TMEM117: variants seen among roughly 807,000 people sequenced by gnomAD.
TMEM117 encodes the protein transmembrane protein 117.
TMEM117 carries 27 observed loss-of-function variants against 52.4 expected under a neutral mutation model. The ratio of observed to expected loss-of-function variants is 0.51; its 90% confidence interval spans 0.38 to 0.71. TMEM117 has a LOEUF of 0.71. Among genes scored for constraint, TMEM117 ranks in the 30% least tolerant of loss-of-function variants. The probability of loss-of-function intolerance (pLI) is 0.00; values close to 1 mark genes in which losing one functional copy is unlikely to be tolerated. For missense variants in TMEM117, 556 were observed against 630.5 expected (o/e 0.88, Z 1.26); for synonymous variants, 215 against 206.3 (o/e 1.04, Z -0.36).
intron 5 of TMEM117, among the ~76,000 whole-genome samples, chr12:44,257,467 T>G (rs1178721742): frequency 6.6e-6 from 1 of 152,178 alleles, no homozygotes; most frequent in African/African-American, 2.4e-5. Flanking sequence ...GGACCTTGCC[T>G]GTCATATCCT....
At chr12:44,044,433 G>A (rs1946849339) in intron 3 of TMEM117, among the ~76,000 whole-genome samples, 1 of 152,192 alleles carries the variant, frequency 6.6e-6, no homozygotes, top group African/African-American at 2.4e-5. Context: ...AATGAACTGG[G>A]TGCTTTCTGA....
Position 44,293,093 on chromosome 12 carries a change from T to C in TMEM117, c.609-6487T>C, listed in dbSNP as rs574577315. Among the ~76,000 whole-genome samples the C allele has an allele frequency of 6.6e-5, 10 of 152,062 alleles. No homozygotes were observed. The South Asian group carries it at 1.2e-3, about 19-fold the overall frequency. The stretch of plus-strand genomic sequence containing the variant: ...TCTGTTAGTAGTTGCCTTGTATGTT[T>C]AGATGCTCTGGTACTGGATATATAT... On this transcript the variant is annotated intron_variant, in intron 5 of 7. Transcript: ENST00000266534.
At chr12:43,839,066 A>G (rs1186949244) in intron 1 of TMEM117, among the ~76,000 whole-genome samples, 1 of 152,172 alleles carries the variant, frequency 6.6e-6, no homozygotes, top group Non-Finnish European at 1.5e-5. Context: ...TCACATCTAC[A>G]TCCAATGTAT....
At chr12:43,824,650 G>A in the TMEM117 span, among the ~76,000 whole-genome samples, 1 of 152,168 alleles carries the variant, frequency 6.6e-6, no homozygotes, top group African/African-American at 2.4e-5. Context: ...AGAAAGCCCT[G>A]TAGGGCCGGG....
chr12:43,927,823 A>G (rs1378168353), intron 2 of TMEM117, among the ~76,000 whole-genome samples: 1 of 151,986 alleles, frequency 6.6e-6, no homozygotes, highest in Non-Finnish European at 1.5e-5. Flanking sequence ...GCAAACACAC[A>G]TCTTTGGATT....
chr12:44,164,238 G>A (rs1948934974), intron 4 of TMEM117, among the ~76,000 whole-genome samples: 1 of 151,804 alleles, frequency 6.6e-6, no homozygotes, highest in Admixed American at 6.6e-5. Flanking sequence ...ATAGTTTTTG[G>A]GGTAAAGTGG....
chr12:44,271,832 T>A (rs750795484), intron 5 of TMEM117, among the ~76,000 whole-genome samples: 2 of 151,950 alleles, frequency 1.3e-5, no homozygotes, highest in Non-Finnish European at 2.9e-5. Context: ...TTCCAAACGG[T>A]ATATATGATA....
intron 3 of TMEM117, among the ~76,000 whole-genome samples, chr12:44,067,330 T>C (rs538640552): frequency 6.6e-6 from 1 of 152,302 alleles, no homozygotes; most frequent in South Asian, 2.1e-4. Context: ...TCTAGAATGG[T>C]GAATCCTTTC....
At chr12:44,182,421 C>T (rs1166680541) in intron 4 of TMEM117, among the ~76,000 whole-genome samples, 2 of 152,174 alleles carry the variant, frequency 1.3e-5, no homozygotes, top group African/African-American at 4.8e-5. Flanking sequence ...GAGGGCATCC[C>T]TGTCTTGTGC....
At chr12:44,237,103 G>T (rs940803422) in intron 5 of TMEM117, among the ~76,000 whole-genome samples, 2 of 152,034 alleles carry the variant, frequency 1.3e-5, no homozygotes, top group African/African-American at 4.8e-5. Context: ...TGCTTTTAAA[G>T]AATATTCTTT....
At chr12:43,957,498 A>G (rs1202971604) in intron 3 of TMEM117, among the ~76,000 whole-genome samples, 2 of 152,228 alleles carry the variant, frequency 1.3e-5, no homozygotes, top group Non-Finnish European at 2.9e-5. Flanking sequence ...ATTTTCTTCC[A>G]TAGTAATGGG....
At chr12:44,019,283 G>A (rs1246261112) in intron 3 of TMEM117, among the ~76,000 whole-genome samples, 1 of 151,908 alleles carries the variant, frequency 6.6e-6, no homozygotes, top group Admixed American at 6.6e-5. Context: ...GTCCTGTAGA[G>A]CAGGTTGCGC....
intron 3 of TMEM117, among the ~76,000 whole-genome samples, chr12:43,998,474 T>C (rs548936303): frequency 2.9e-4 from 44 of 152,344 alleles, no homozygotes; most frequent in African/African-American, 1.0e-3. Context: ...ACCATTGATA[T>C]TAAAGTGACT....
chr12:43,876,872 C>G (rs1052243829), intron 2 of TMEM117, among the ~76,000 whole-genome samples: 22 of 152,124 alleles, frequency 1.4e-4, no homozygotes, highest in Non-Finnish European at 2.6e-4. Context: ...CATATCCTTT[C>G]CCTCAATACC....
the TMEM117 span, among the ~76,000 whole-genome samples, chr12:43,803,076 G>C: frequency 6.6e-6 from 1 of 152,138 alleles, no homozygotes; most frequent in Admixed American, 6.5e-5. Flanking sequence ...TACAGTAACA[G>C]TGAAGTTATA....
intron 4 of TMEM117, among the ~76,000 whole-genome samples, chr12:44,183,713 G>A (rs974216612): frequency 2.0e-5 from 3 of 152,172 alleles, no homozygotes; most frequent in Non-Finnish European, 4.4e-5. Flanking sequence ...ATGCAACTGA[G>A]TAGCCTAGTG....
chr12:43,981,289 A>G (rs1358378682), intron 3 of TMEM117, among the ~76,000 whole-genome samples: 1 of 152,144 alleles, frequency 6.6e-6, no homozygotes, highest in South Asian at 2.1e-4. Context: ...TTATTTCAGG[A>G]ATTGTTCAAT....
intron 5 of TMEM117, among the ~76,000 whole-genome samples, chr12:44,225,272 G>C (rs1381516791): frequency 2.0e-5 from 3 of 152,114 alleles, no homozygotes; most frequent in South Asian, 4.1e-4. Flanking sequence ...AAGTAACATA[G>C]TGCTTAATGA....
intron 5 of TMEM117, among the ~76,000 whole-genome samples, chr12:44,255,029 A>G (rs1006777330): frequency 3.3e-5 from 5 of 152,096 alleles, no homozygotes; most frequent in East Asian, 1.9e-4. Context: ...TGGTGTATAT[A>G]TGCCACATTT....
Sources: allele counts gnomAD v4.1 joint callset (sites outside exome capture counted in the v4.1 genomes callset), GRCh38; gene constraint gnomAD v4.1.1; transcripts MANE v1.5; gene names NCBI Gene and HGNC (gene_info 2026-07-23, HGNC 2026-07-21).